ABCA1: variants seen among roughly 807,000 people sequenced by gnomAD.
ABCA1 encodes ATP binding cassette subfamily A member 1, also known as phospholipid-transporting ATPase ABCA1.
ABCA1 carries 133 observed loss-of-function variants against 262.5 expected under a neutral mutation model. The ratio of observed to expected loss-of-function variants is 0.51; its 90% CI spans 0.44 to 0.59. The LOEUF is 0.59. Among genes scored for constraint, ABCA1 ranks in the 20% least tolerant of loss-of-function variants. The probability of loss-of-function intolerance (pLI) is 0.00; values close to 1 mark genes in which losing one functional copy is unlikely to be tolerated. For synonymous variants in ABCA1, 1,022 were observed against 1,043.5 expected (o/e 0.98, Z 0.40); for missense variants, 2,452 against 2,777.5 (o/e 0.88, Z 2.63).
At chr9:104,828,410 C>T (rs1163083435) in intron 15 of ABCA1, among the ~76,000 whole-genome samples, 1 of 152,228 alleles carries the variant, frequency 6.6e-6, no homozygotes, top group Non-Finnish European at 1.5e-5. Flanking sequence ...CACAGTTCAA[C>T]TCCTCCCTCT....
At chr9:104,836,310 G>A (rs746124363) in intron 11 of ABCA1, among the ~76,000 whole-genome samples, 2 of 152,182 alleles carry the variant, frequency 1.3e-5, no homozygotes, top group Non-Finnish European at 2.9e-5. Context: ...GGGGAGCAGA[G>A]ACAAAAGGAA....
At chr9:104,893,420 T>TA in intron 2 of ABCA1, among the ~76,000 whole-genome samples, 1 of 9,372 alleles carries the variant, frequency 1.1e-4, no homozygotes, top group Non-Finnish European at 1.7e-4. Context: ...AGACTTCACC[T>TA]CAAAAAAAAA....
At chr9:104,926,763 T>G (rs1162709055) in intron 1 of ABCA1, among the ~76,000 whole-genome samples, 2 of 152,024 alleles carry the variant, frequency 1.3e-5, no homozygotes, top group Non-Finnish European at 2.9e-5. Flanking sequence ...CGGCACCACC[T>G]CGGCCCAGCT....
At chr9:104,864,807 T>C (rs1836941340) in intron 5 of ABCA1, among the ~76,000 whole-genome samples, 2 of 151,740 alleles carry the variant, frequency 1.3e-5, no homozygotes, top group Admixed American at 1.3e-4. Flanking sequence ...CCTGCAACAC[T>C]CTCCAGACCA....
chr9:104,795,588 A>G (rs1829826853), intron 39 of ABCA1, among the ~76,000 whole-genome samples: 1 of 152,216 alleles, frequency 6.6e-6, no homozygotes, highest in Non-Finnish European at 1.5e-5. Context: ...GGACATATCC[A>G]GGTTGGGGTA....
chr9:104,882,971 G>A, intron 5 of ABCA1, 68 bp downstream of exon 5: 1 of 1,372,514 alleles, frequency 7.3e-7, no homozygotes, highest in Non-Finnish European at 1.0e-6. Flanking sequence ...AGACACCTGG[G>A]CTACTCTCTT....
chr9:104,818,715 G>A lies in ABCA1; in HGVS notation c.3410C>T (p.Ser1137Phe), dbSNP rs1443146369. 2 of 1,613,616 alleles carry A rather than the reference G, an allele frequency of 1.2e-6. No homozygotes were observed. Among genetic ancestry groups the A allele is most frequent in the Non-Finnish European group, 1.7e-6 (2 of 1,180,030 alleles). ...ACTGTTTCTGCAGGAACTGAGGGAG[G>A]ATTCCACATCTTTCTTGACCAAGGT... ...YLTLVKKDVE[S>F]SLSSCRNSSS... The change falls in exon 23 of 50, where the codon TCC becomes TTC. Residue 1137 changes from serine (S) to phenylalanine (F), a missense_variant. By Grantham distance (155) the Ser-to-Phe change is radical (BLOSUM62 -2). Coordinates refer to ENST00000374736, the MANE Select transcript of ABCA1 (RefSeq NM_005502.4).
At chr9:104,868,786 C>T (rs1247125955) in intron 5 of ABCA1, among the ~76,000 whole-genome samples, 2 of 152,204 alleles carry the variant, frequency 1.3e-5, no homozygotes, top group Non-Finnish European at 2.9e-5. Context: ...TCTTGCCACA[C>T]ATCCAGGCCT....
intron 5 of ABCA1, among the ~76,000 whole-genome samples, chr9:104,864,981 C>A (rs935805977): frequency 1.3e-5 from 2 of 152,220 alleles, no homozygotes; most frequent in South Asian, 4.1e-4. Flanking sequence ...TGGCTGTGCA[C>A]GTGCATGGTG....
At chr9:104,805,700 C>CT (rs1469718460) in intron 31 of ABCA1, among the ~76,000 whole-genome samples, 1 of 152,234 alleles carries the variant, frequency 6.6e-6, no homozygotes. Context: ...CCAGGCCTGC[C>CT]ACAGTCTGTC....
chr9:104,903,709 G>T lies in ABCA1; in HGVS notation c.-30C>A. On this transcript the variant is annotated 5_prime_UTR_variant, in exon 2 of 50. Transcript: ENST00000374736. ...CCTCAGCCAGCACCCCCAGCGTGTGGCTCGGGAGCCCTGGAAGGCAGCGGC... is the reference window on the plus strand; with the variant it reads ...CCTCAGCCAGCACCCCCAGCGTGTGTCTCGGGAGCCCTGGAAGGCAGCGGC... 1.3e-6 allele frequency: 2 copies of T among 1,563,422 alleles called. No individual in the cohort carries two copies. Among genetic ancestry groups the T allele is most frequent in the Non-Finnish European group, 1.7e-6 (2 of 1,153,422 alleles).
chr9:104,786,216 G>T, intron 48 of ABCA1, 82 bp downstream of exon 48: 1 of 1,173,158 alleles, frequency 8.5e-7, no homozygotes. Flanking sequence ...CTTTATGTTA[G>T]AGGCACCATT....
intron 32 of ABCA1, 139 bp downstream of exon 32, chr9:104,804,487 G>C (rs572112083): frequency 5.2e-6 from 4 of 764,666 alleles, no homozygotes; most frequent in African/African-American, 5.1e-5. Flanking sequence ...TCTAGTTTGG[G>C]ATAATATCCT....
chr9:104,905,323 C>G (rs530273320), intron 1 of ABCA1, among the ~76,000 whole-genome samples: 3 of 152,338 alleles, frequency 2.0e-5, no homozygotes, highest in South Asian at 4.1e-4. Flanking sequence ...TCTAGTAGAA[C>G]AATACCCTTT....
At chr9:104,810,095 T>A (rs1157568290) in intron 29 of ABCA1, among the ~76,000 whole-genome samples, 2 of 148,606 alleles carry the variant, frequency 1.3e-5, no homozygotes, top group African/African-American at 2.5e-5. Flanking sequence ...CTGAACTATG[T>A]AAGAAGAAAA....
intron 29 of ABCA1, among the ~76,000 whole-genome samples, chr9:104,810,164 A>C (rs1175450094): frequency 8.1e-6 from 1 of 122,762 alleles, no homozygotes; most frequent in Non-Finnish European, 1.8e-5. Context: ...ATATATATAT[A>C]TATACTTTTT....
intron 5 of ABCA1, among the ~76,000 whole-genome samples, chr9:104,870,684 G>A (rs1318315103): frequency 6.6e-6 from 1 of 152,174 alleles, no homozygotes; most frequent in Non-Finnish European, 1.5e-5. Context: ...TCTGTGTGAA[G>A]AGACCACCAA....
chr9:104,864,109 G>A (rs934750736), intron 5 of ABCA1, among the ~76,000 whole-genome samples: 7 of 152,310 alleles, frequency 4.6e-5, no homozygotes, highest in South Asian at 2.1e-4. Context: ...GGGAATATGC[G>A]TTCTTAGTAC....
intron 30 of ABCA1, among the ~76,000 whole-genome samples, chr9:104,808,488 A>T (rs1830990977): frequency 6.6e-6 from 1 of 152,256 alleles, no homozygotes; most frequent in African/African-American, 2.4e-5. Flanking sequence ...TATCCTTGTC[A>T]TCTGGTTATT....
Sources: allele counts gnomAD v4.1 joint callset (sites outside exome capture counted in the v4.1 genomes callset), GRCh38; gene constraint gnomAD v4.1.1; transcripts MANE v1.5; gene names NCBI Gene and HGNC (gene_info 2026-07-23, HGNC 2026-07-21).